Variants in RPS6KA2 observed in about 807,000 individuals in gnomAD.
RPS6KA2 encodes ribosomal protein S6 kinase alpha-2.
A neutral mutation model predicts 91.8 loss-of-function variants in RPS6KA2; 42 were observed. The ratio of observed to expected loss-of-function variants is 0.46; its 90% CI spans 0.36 to 0.59. RPS6KA2 has a LOEUF of 0.59. Among genes scored for constraint, RPS6KA2 ranks in the 20% least tolerant of loss-of-function variants. The pLI, the probability that RPS6KA2 is intolerant of heterozygous loss-of-function variation, is 0.00. For missense variants in RPS6KA2, 798 were observed against 978.5 expected, an observed-to-expected ratio of 0.82 and a Z score of 2.46; for synonymous variants, 414 against 393.6, an observed-to-expected ratio of 1.05 and a Z score of -0.61.
At position 166,493,140 on chromosome 6, in the gene RPS6KA2, C is replaced by T. The variant is rs1781663512; in HGVS notation, c.748-2399G>A. On this transcript the variant is annotated intron_variant, in intron 8 of 20. Transcript: ENST00000265678. The surrounding 1 kb of genome is among the most constrained non-coding windows in gnomAD (Gnocchi z 4.7). ...TTCCTCCATCCATATGGTAGGAGGT[C>T]CCCAACCATCTACTCAGCCAGAGAA... Among the ~76,000 whole-genome samples, 1 of 152,098 alleles carries T rather than the reference C, an allele frequency of 6.6e-6. No individual in the cohort carries two copies. Among genetic ancestry groups the T allele is most frequent in the Admixed American group, 6.5e-5 (1 of 15,278 alleles).
At chr6:166,671,243 G>C (rs1385858896) in intron 2 of RPS6KA2, among the ~76,000 whole-genome samples, 4 of 152,218 alleles carry the variant, frequency 2.6e-5, no homozygotes, top group Non-Finnish European at 5.9e-5. Flanking sequence ...AATTCAGGCT[G>C]AGGGAACAAG....
At chr6:166,653,082 A>G (rs770074366) in intron 2 of RPS6KA2, among the ~76,000 whole-genome samples, 2 of 152,210 alleles carry the variant, frequency 1.3e-5, no homozygotes, top group Non-Finnish European at 2.9e-5. Flanking sequence ...TGTTGTTCAG[A>G]GGGAGTCTCG....
intron 2 of RPS6KA2, among the ~76,000 whole-genome samples, chr6:166,791,536 C>A (rs1466677101): frequency 1.3e-5 from 2 of 152,226 alleles, no homozygotes; most frequent in Non-Finnish European, 2.9e-5. Context: ...CTACAGAACT[C>A]TCCACCCCAA....
rs1451240538 is a variant in RPS6KA2 at position 166,733,108 on chromosome 6, C to G, written c.123+125092G>C. On this transcript the variant is annotated intron_variant, in intron 2 of 21. Coordinates refer to the RPS6KA2 transcript ENST00000503859. This position sits in a 1 kb window ranked among gnomAD's most constrained non-coding sequence, Gnocchi z 4.1. The stretch of plus-strand genomic sequence containing the variant: ...CTCTGCCCCCTGTGGATCGAGCCTA[C>G]CCTGTACTCAGGGCCATGCCAAACC... Among the ~76,000 whole-genome samples, 1 of 152,172 alleles carries G rather than the reference C, an allele frequency of 6.6e-6. No individual in the cohort carries two copies. Among genetic ancestry groups the G allele is most frequent in the Non-Finnish European group, 1.5e-5 (1 of 68,034 alleles).
At chr6:166,501,976 A>G (rs1049441062) in intron 6 of RPS6KA2, among the ~76,000 whole-genome samples, 1 of 152,244 alleles carries the variant, frequency 6.6e-6, no homozygotes, top group African/African-American at 2.4e-5. Context: ...AACGACAGGT[A>G]TTATATGATT....
intron 15 of RPS6KA2, among the ~76,000 whole-genome samples, chr6:166,431,392 C>A (rs1779127250): frequency 6.6e-6 from 1 of 152,158 alleles, no homozygotes; most frequent in Non-Finnish European, 1.5e-5. Context: ...TGGGGCCTGG[C>A]CCTCCGCATT....
chr6:166,736,673 C>T (rs16899351), intron 2 of RPS6KA2, among the ~76,000 whole-genome samples: 3,808 of 152,212 alleles, frequency 0.025, 114 homozygotes, highest in East Asian at 0.1. Flanking sequence ...GTCCAGACAG[C>T]GGGCCTGCAT....
intron 2 of RPS6KA2, among the ~76,000 whole-genome samples, chr6:166,759,242 A>G (rs1399759231): frequency 6.6e-6 from 1 of 152,210 alleles, no homozygotes; most frequent in Non-Finnish European, 1.5e-5. Flanking sequence ...CTTTATTAAG[A>G]ACCTATAATG....
Position 166,531,283 on chromosome 6 carries a change from C to T in RPS6KA2, c.247G>A (p.Asp83Asn), listed in dbSNP as rs1411978945. Residue 83 changes from aspartate (D) to asparagine (N), a missense_variant, in exon 3 of 21, where the codon GAC becomes AAC. By Grantham distance (23) the Asp-to-Asn change is conservative. Transcript: ENST00000265678. Reference protein sequence around the residue: ...VFLVRKVKGSDAGQLYAMKVL... With the variant: ...VFLVRKVKGSNAGQLYAMKVL... ...TTCATGGCGTAGAGCTGCCCAGCGT[C>T]GGACCCCTTCACCTTCCTCACCAGG... 21 of 1,613,986 alleles carry T rather than the reference C, an allele frequency of 1.3e-5. No individual in the cohort carries two copies. Among genetic ancestry groups the T allele is most frequent in the Admixed American group, 3.3e-5 (2 of 60,000 alleles).
intron 2 of RPS6KA2, among the ~76,000 whole-genome samples, chr6:166,829,529 G>T (rs1780126678): frequency 6.9e-6 from 1 of 145,698 alleles, no homozygotes; most frequent in African/African-American, 2.7e-5. Flanking sequence ...GGCGGAGCTT[G>T]CAGTGAGCCA....
intron 1 of RPS6KA2, among the ~76,000 whole-genome samples, chr6:166,550,839 A>G (rs1206793430): frequency 2.0e-5 from 3 of 150,696 alleles, no homozygotes; most frequent in Non-Finnish European, 2.9e-5. Context: ...CGTCTCTACT[A>G]AAATACAAAA....
chr6:166,801,562 G>C (rs1245484822), intron 2 of RPS6KA2, among the ~76,000 whole-genome samples: 1 of 152,100 alleles, frequency 6.6e-6, no homozygotes, highest in Non-Finnish European at 1.5e-5. Context: ...GCCCAGGCTG[G>C]TCTCCAACTC....
At chr6:166,776,846 C>T (rs374048203) in intron 2 of RPS6KA2, among the ~76,000 whole-genome samples, 1 of 152,160 alleles carries the variant, frequency 6.6e-6, no homozygotes, top group East Asian at 1.9e-4. Flanking sequence ...TATCTTTTGG[C>T]GACTGTGAGT....
Position 166,449,818 on chromosome 6 carries a change from A to G in RPS6KA2, c.1207-969T>C, listed in dbSNP as rs535810095. ...AGCCACCACGGGGACCACCATGGGA[A>G]CCACCACAGGGACCACCACGGGACA... is the stretch of plus-strand genomic sequence containing the variant. On this transcript the variant is annotated intron_variant, in intron 13 of 20. Coordinates refer to ENST00000265678, the MANE Select transcript of RPS6KA2 (RefSeq NM_021135.6). Among the ~76,000 whole-genome samples, 11 of 115,452 alleles carry G rather than the reference A, an allele frequency of 9.5e-5. No individual in the cohort carries two copies. In the East Asian group the frequency reaches 1.3e-3, roughly 14 times the overall value. 75.7% of individuals were successfully genotyped at this position (115,452 alleles called of 152,430 possible).
At chr6:166,478,060 A>AG (rs1405172213) in intron 10 of RPS6KA2, among the ~76,000 whole-genome samples, 4 of 152,082 alleles carry the variant, frequency 2.6e-5, no homozygotes, top group Non-Finnish European at 5.9e-5. Flanking sequence ...TCGCATTTCC[A>AG]GGGGGAGGCC....
chr6:166,709,346 G>A (rs1479211297), intron 2 of RPS6KA2, among the ~76,000 whole-genome samples: 1 of 152,132 alleles, frequency 6.6e-6, no homozygotes, highest in Non-Finnish European at 1.5e-5. Context: ...TAAACACATG[G>A]GCTGAGTAAG....
intron 2 of RPS6KA2, among the ~76,000 whole-genome samples, chr6:166,786,110 T>G (rs1336365509): frequency 6.6e-6 from 1 of 152,192 alleles, no homozygotes; most frequent in Non-Finnish European, 1.5e-5. Flanking sequence ...GAACAGTGAC[T>G]CCTCCAATCC....
chr6:166,553,606 C>T (rs759307439), intron 1 of RPS6KA2, among the ~76,000 whole-genome samples: 12 of 151,932 alleles, frequency 7.9e-5, no homozygotes, highest in African/African-American at 1.9e-4. Flanking sequence ...CTCACTGACC[C>T]GCCCCGCCAG....
chr6:166,745,931 T>C (rs970537234), intron 2 of RPS6KA2, among the ~76,000 whole-genome samples: 2 of 152,366 alleles, frequency 1.3e-5, no homozygotes, highest in South Asian at 2.1e-4. Flanking sequence ...AGAATATTAA[T>C]GTTGCTGCTG....
Sources: gnomAD v4.1 joint callset for allele counts (sites outside exome capture counted in the v4.1 genomes callset) on GRCh38, gnomAD v4.1.1 for gene constraint, Gnocchi (gnomAD v3.1) non-coding constraint, MANE v1.5 for transcripts, NCBI Gene and HGNC (gene_info 2026-07-23, HGNC 2026-07-21) for gene names.